KALRN: variants seen among roughly 807,000 people sequenced by gnomAD.
The protein encoded by KALRN is kalirin.
In KALRN, 70 loss-of-function variants were observed where a neutral mutation model predicts 353.7. The observed-to-expected ratio is 0.20, with a 90% CI of 0.16 to 0.24. KALRN has a LOEUF of 0.24. Ranked by LOEUF, KALRN falls within the 10% of genes least tolerant of loss-of-function variation. The pLI, the probability that KALRN is intolerant of heterozygous loss-of-function variation, is 1.00. For synonymous variants in KALRN, 1,391 were observed against 1,434.8 expected (o/e 0.97, Z 0.69); for missense variants, 2,791 against 3,756.7 (o/e 0.74, Z 6.72).
At chr3:124,203,257 C>G (rs762888122) in intron 1 of KALRN, among the ~76,000 whole-genome samples, 1 of 152,138 alleles carries the variant, frequency 6.6e-6, no homozygotes, top group African/African-American at 2.4e-5. Flanking sequence ...TAGTCTGGCT[C>G]GTTATCCCTG....
At chr3:124,627,769 CA>C (rs893129871) in intron 34 of KALRN, among the ~76,000 whole-genome samples, 4 of 152,260 alleles carry the variant, frequency 2.6e-5, no homozygotes, top group African/African-American at 9.6e-5. Flanking sequence ...TGACCCATAC[CA>C]AACACTTCAG....
chr3:124,082,946 T>C (rs904134123), intron 1 of KALRN, among the ~76,000 whole-genome samples: 1 of 152,262 alleles, frequency 6.6e-6, no homozygotes, highest in African/African-American at 2.4e-5. Flanking sequence ...TAAACCTGTA[T>C]TCCTCTCTGA....
At chr3:124,515,711 C>A (rs1407980456) in intron 33 of KALRN, among the ~76,000 whole-genome samples, 2 of 151,466 alleles carry the variant, frequency 1.3e-5, no homozygotes, top group Non-Finnish European at 2.9e-5. Context: ...ACTGGCATTT[C>A]AAAAAAAAAT....
chr3:124,602,942 T>TGTTGTTGTTG, intron 34 of KALRN, among the ~76,000 whole-genome samples: 1 of 26,896 alleles, frequency 3.7e-5, no homozygotes, highest in Non-Finnish European at 7.7e-5. Context: ...TTTTCGTGGT[T>TGTTGTTGTTG]TTTTTTTTGT....
chr3:124,456,553 A>T, intron 22 of KALRN, 57 bp from the exon 23 acceptor site: 1 of 1,229,870 alleles, frequency 8.1e-7, no homozygotes, highest in Non-Finnish European at 1.2e-6. Context: ...CCTCAACTCC[A>T]GTGAGTTGCT....
chr3:124,589,361 C>T (rs73191624), intron 34 of KALRN, among the ~76,000 whole-genome samples: 14,153 of 152,208 alleles, frequency 0.093, 703 homozygotes, highest in Non-Finnish European at 0.11. Context: ...TTTGGAAGGC[C>T]AAGGCAGGAG....
At chr3:124,550,975 C>A (rs547633312) in intron 33 of KALRN, among the ~76,000 whole-genome samples, 1 of 152,006 alleles carries the variant, frequency 6.6e-6, no homozygotes, top group African/African-American at 2.4e-5. Context: ...GGTGACAGAG[C>A]AAGACTCCGT....
intron 26 of KALRN, among the ~76,000 whole-genome samples, chr3:124,476,381 TCA>T (rs1214228830): frequency 6.6e-6 from 1 of 151,500 alleles, no homozygotes; most frequent in Admixed American, 6.6e-5. Flanking sequence ...ATAACAGAAC[TCA>T]CTGTATAGAG....
chr3:124,611,283 A>G (rs539441941), intron 34 of KALRN, among the ~76,000 whole-genome samples: 1 of 152,328 alleles, frequency 6.6e-6, no homozygotes, highest in South Asian at 2.1e-4. Flanking sequence ...CTCATTGATA[A>G]TGTTACCTAA....
At chr3:124,713,171 A>G in intron 58 of KALRN, 36 bp downstream of exon 58, 1 of 1,559,072 alleles carries the variant, frequency 6.4e-7, no homozygotes, top group Non-Finnish European at 8.8e-7. Context: ...AGTCGCCTGC[A>G]TCCATTTAGG....
chr3:124,073,373 A>C (rs142855716), intron 1 of KALRN, among the ~76,000 whole-genome samples: 1 of 152,214 alleles, frequency 6.6e-6, no homozygotes. Flanking sequence ...AACTTTACTC[A>C]AGAACAGGCA....
chr3:124,234,819 C>A lies in KALRN; in HGVS notation c.149-10C>A. ...TTTCTTAAACACTCTTCTCTTCCTC[C>A]TTCTTGCAGGGGGTCGTGATAAGCG... On this transcript the variant is annotated splice_polypyrimidine_tract_variant and intron_variant, in intron 2 of 59. Transcript: ENST00000682506. 6.3e-7 allele frequency: 1 copy of A among 1,579,084 alleles called. No homozygotes were observed. Among genetic ancestry groups the A allele is most frequent in the Non-Finnish European group, 8.6e-7 (1 of 1,159,368 alleles).
In KALRN at chr3:124,209,104, G is replaced by A. The variant is rs115931686; in HGVS notation, c.74-18886G>A. Among the ~76,000 whole-genome samples, 515 of 152,170 alleles carry A rather than the reference G, an allele frequency of 3.4e-3. 4 individuals carry two copies. The highest frequency in any genetic ancestry group is 0.011 in the African/African-American group (455 of 41,520). On this transcript the variant is annotated intron_variant, in intron 1 of 59. Coordinates refer to ENST00000682506, the MANE Select transcript of KALRN (RefSeq NM_001388419.1). ...AATTGATTATTTATAGGGACTTTAT[G>A]TACATTGTCTCTCTATGAGTTTGGT...
chr3:124,406,132 T>A (rs1465065124), intron 13 of KALRN, among the ~76,000 whole-genome samples: 1 of 152,234 alleles, frequency 6.6e-6, no homozygotes, highest in Non-Finnish European at 1.5e-5. Context: ...CTGACTGGAT[T>A]TCATTATTTC....
Position 124,413,523 on chromosome 3 carries a change from C to T in KALRN, c.2400C>T (p.Asp800=), listed in dbSNP as rs1207215684. 1.2e-6 allele frequency: 2 copies of T among 1,614,162 alleles called. No individual in the cohort carries two copies. Among genetic ancestry groups the T allele is most frequent in the Non-Finnish European group, 1.7e-6 (2 of 1,180,028 alleles). ...WNEDLLRQMN[D]FNTEDLTLAE... ...AAGACTTGCTTCGGCAGATGAATGACTTCAACACAGAGGACCTAACCCTGG... is the reference window on the plus strand; with the variant it reads ...AAGACTTGCTTCGGCAGATGAATGATTTCAACACAGAGGACCTAACCCTGG... Residue 800 remains aspartate (D), a synonymous_variant, in exon 14 of 60, where the codon GAC becomes GAT. Coordinates refer to ENST00000682506, the MANE Select transcript of KALRN (RefSeq NM_001388419.1).
intron 29 of KALRN, 38 bp from the exon 30 acceptor site, chr3:124,490,656 T>C (rs770868513): frequency 1.9e-6 from 3 of 1,590,850 alleles, no homozygotes; most frequent in African/African-American, 1.3e-5. Context: ...ACTGTGGCAG[T>C]AGAGAAACTC....
At chr3:124,357,271 A>G (rs1039745813) in intron 10 of KALRN, among the ~76,000 whole-genome samples, 2 of 152,158 alleles carry the variant, frequency 1.3e-5, no homozygotes, top group African/African-American at 2.4e-5. Context: ...GGAATACTGC[A>G]ATATCCTTCT....
chr3:124,642,216 A>G (rs2082107426), intron 37 of KALRN, among the ~76,000 whole-genome samples: 1 of 152,086 alleles, frequency 6.6e-6, no homozygotes, highest in Non-Finnish European at 1.5e-5. Flanking sequence ...CTCGGGAGGC[A>G]GAGGTTGCAG....
intron 1 of KALRN, among the ~76,000 whole-genome samples, chr3:124,098,805 AG>A (rs1298541334): frequency 6.6e-6 from 1 of 152,210 alleles, no homozygotes; most frequent in Non-Finnish European, 1.5e-5. Flanking sequence ...AAGAAGCATA[AG>A]TAAAAAAGAG....
Sources: allele counts gnomAD v4.1 joint callset (sites outside exome capture counted in the v4.1 genomes callset), GRCh38; gene constraint gnomAD v4.1.1; transcripts MANE v1.5; gene names NCBI Gene and HGNC (gene_info 2026-07-23, HGNC 2026-07-21).